The following ZPBP variants were observed in gnomAD, a reference collection of about 807,000 sequenced individuals.
ZPBP encodes zona pellucida binding protein.
In ZPBP, 26 loss-of-function variants were observed where a neutral mutation model predicts 44.8. The observed-to-expected ratio is 0.58, with a 90% CI of 0.43 to 0.81. The LOEUF (loss-of-function observed/expected upper bound fraction) is 0.81. Ranked by LOEUF, ZPBP falls within the 30% of genes least tolerant of loss-of-function variation. ZPBP has a pLI of 0.00. For synonymous variants in ZPBP, 174 were observed against 153.2 expected (o/e 1.14, Z -1.00); for missense variants, 409 against 434.0 (o/e 0.94, Z 0.51).
intron 7 of ZPBP, among the ~76,000 whole-genome samples, chr7:49,969,706 C>G (rs1460803896): frequency 6.6e-6 from 1 of 151,520 alleles, no homozygotes; most frequent in African/African-American, 2.4e-5. Flanking sequence ...TGTTAGCAAA[C>G]AGCACTGTAT....
At chr7:49,884,478 G>A (rs1299202348) in intron 2 of ZPBP, among the ~76,000 whole-genome samples, 2 of 152,164 alleles carry the variant, frequency 1.3e-5, no homozygotes, top group Non-Finnish European at 2.9e-5. Context: ...GGGTAAGAAA[G>A]TCATCCTGAT....
chr7:50,015,961 G>C (rs1378227241), intron 6 of ZPBP, among the ~76,000 whole-genome samples: 1 of 152,134 alleles, frequency 6.6e-6, no homozygotes, highest in African/African-American at 2.4e-5. Flanking sequence ...TATACTGCTG[G>C]TGGGAATGTA....
downstream of ZPBP, among the ~76,000 whole-genome samples, chr7:49,849,418 G>A (rs1790086236): frequency 6.6e-6 from 1 of 152,200 alleles, no homozygotes; most frequent in Non-Finnish European, 1.5e-5. Context: ...GGCTCCAAAA[G>A]CAATCAGCTC....
At chr7:50,004,527 T>A (rs971433752) in intron 6 of ZPBP, among the ~76,000 whole-genome samples, 1 of 152,048 alleles carries the variant, frequency 6.6e-6, no homozygotes, top group Non-Finnish European at 1.5e-5. Context: ...CCTAATAAAC[T>A]CCCTATTATA....
At chr7:50,092,197 T>C (rs1803028940) in intron 1 of ZPBP, among the ~76,000 whole-genome samples, 1 of 152,194 alleles carries the variant, frequency 6.6e-6, no homozygotes, top group African/African-American at 2.4e-5. Context: ...CCACGACCCA[T>C]ATCCAAGAAG....
At chr7:49,851,610 A>G (rs948017496) in intron 2 of ZPBP, among the ~76,000 whole-genome samples, 3 of 152,230 alleles carry the variant, frequency 2.0e-5, no homozygotes, top group Non-Finnish European at 4.4e-5. Flanking sequence ...CTATAATCCC[A>G]GCACTTCGGG....
At position 49,999,119 on chromosome 7, in the gene ZPBP, A is replaced by G. The variant is rs140133105; in HGVS notation, c.784-15600T>C. On this transcript the variant is annotated intron_variant, in intron 6 of 7. Coordinates refer to ENST00000046087, the MANE Select transcript of ZPBP (RefSeq NM_007009.3). ...ACCCAAAACACTTCTGGTCCCAAGC[A>G]TTTTGGGTAAGGGATACTCAACCTG... Among the ~76,000 whole-genome samples the G allele has an allele frequency of 5.4e-3, 819 of 152,026 alleles. 16 individuals are homozygous for G. In the East Asian group the frequency reaches 0.07, roughly 13 times the overall value.
intron 2 of ZPBP, among the ~76,000 whole-genome samples, chr7:49,877,742 T>C (rs1471506891): frequency 6.6e-6 from 1 of 150,440 alleles, no homozygotes; most frequent in African/African-American, 2.4e-5. Flanking sequence ...GCCACTCACT[T>C]TTCAGGTGTC....
intron 2 of ZPBP, among the ~76,000 whole-genome samples, chr7:49,894,176 T>C (rs1200241430): frequency 1.9e-5 from 2 of 107,808 alleles, no homozygotes; most frequent in African/African-American, 3.6e-5. Flanking sequence ...TTCTTTCTTT[T>C]GACAGGTTCT....
At chr7:49,921,575 A>T (rs1259994921) in intron 1 of ZPBP, 3 of 152,150 alleles carry the variant, frequency 2.0e-5, no homozygotes, top group African/African-American at 7.2e-5. Context: ...GGTATCAACC[A>T]CTAAGAGGAT....
At chr7:50,045,101 C>G (rs183560811) in intron 4 of ZPBP, among the ~76,000 whole-genome samples, 45 of 152,242 alleles carry the variant, frequency 3.0e-4, no homozygotes, top group Admixed American at 2.8e-3. Context: ...ATACAACACC[C>G]CTTTATGCTA....
chr7:49,899,666 A>G (rs1792601296), intron 2 of ZPBP, among the ~76,000 whole-genome samples: 1 of 151,994 alleles, frequency 6.6e-6, no homozygotes, highest in African/African-American at 2.4e-5. Flanking sequence ...GTATCAAAAC[A>G]CATGAGGCAA....
rs75828555 is a variant in ZPBP at position 49,873,846 on chromosome 7, A to G, written n.510-23332T>C. On this transcript the variant is annotated intron_variant and non_coding_transcript_variant, in intron 2 of 2. Coordinates refer to the ZPBP transcript ENST00000465922. ...TAATTATGGAATATTCATATAATGT[A>G]CTACTACACAGCATTTATATTTATG... Among the ~76,000 whole-genome samples the G allele has an allele frequency of 3.9e-4, 60 of 152,208 alleles. 2 individuals are homozygous for G. In the East Asian group the frequency reaches 0.011, roughly 29 times the overall value.
At chr7:50,066,611 C>T (rs1801515353) in intron 3 of ZPBP, among the ~76,000 whole-genome samples, 3 of 152,186 alleles carry the variant, frequency 2.0e-5, no homozygotes, top group Admixed American at 2.0e-4. Context: ...TAGACATTTG[C>T]AGCATTTGCA....
intron 2 of ZPBP, among the ~76,000 whole-genome samples, chr7:49,889,478 C>T (rs528249785): frequency 2.0e-4 from 30 of 152,236 alleles, no homozygotes; most frequent in African/African-American, 7.2e-4. Flanking sequence ...AAGATGATGA[C>T]AAAATCAGGG....
intron 3 of ZPBP, among the ~76,000 whole-genome samples, chr7:50,075,881 G>GAAT (rs1802052194): frequency 6.6e-6 from 1 of 151,776 alleles, no homozygotes; most frequent in Non-Finnish European, 1.5e-5. Context: ...GAAGAAGAGG[G>GAAT]AATATTTCCA....
chr7:50,048,243 T>A (rs1265997817), intron 4 of ZPBP, among the ~76,000 whole-genome samples: 2 of 151,996 alleles, frequency 1.3e-5, no homozygotes, highest in South Asian at 2.1e-4. Context: ...CATACAGATA[T>A]TAAAGAGGAA....
chr7:50,008,340 G>A (rs1452665094), intron 6 of ZPBP, among the ~76,000 whole-genome samples: 1 of 152,016 alleles, frequency 6.6e-6, no homozygotes, highest in African/African-American at 2.4e-5. Flanking sequence ...AAACTTGTAT[G>A]CTGAAAATTA....
intron 7 of ZPBP, among the ~76,000 whole-genome samples, chr7:49,939,851 T>G (rs1794792408): frequency 6.6e-6 from 1 of 152,144 alleles, no homozygotes; most frequent in Admixed American, 6.6e-5. Context: ...TTTGTGTTTC[T>G]CTGAAGAAAA....
Sources: gnomAD v4.1 joint callset for allele counts (sites outside exome capture counted in the v4.1 genomes callset) on GRCh38, gnomAD v4.1.1 for gene constraint, MANE v1.5 for transcripts, NCBI Gene and HGNC (gene_info 2026-07-23, HGNC 2026-07-21) for gene names.